The following LIG3 variants were observed in gnomAD, a reference collection of about 807,000 sequenced individuals.
LIG3 encodes DNA ligase 3.
Under a neutral mutation model 110.9 loss-of-function variants are expected in LIG3, and 58 were observed. That is an observed-to-expected ratio of 0.52 (90% CI 0.42 to 0.65). The LOEUF (loss-of-function observed/expected upper bound fraction) is 0.65. LIG3 is among the 30% of genes least tolerant of loss of function. The pLI is 0.00. For synonymous variants in LIG3, 422 were observed against 472.8 expected (o/e 0.89, Z 1.39); for missense variants, 1,094 against 1,273.8 (o/e 0.86, Z 2.15).
At chr17:34,994,994 C>T (rs1053712529) in intron 9 of LIG3, among the ~76,000 whole-genome samples, 1 of 152,102 alleles carries the variant, frequency 6.6e-6, no homozygotes, top group Non-Finnish European at 1.5e-5. Flanking sequence ...GCATTTGGAA[C>T]CTTATTCCTT....
At chr17:34,996,855 C>G (rs1186769722) in intron 11 of LIG3, among the ~76,000 whole-genome samples, 1 of 152,194 alleles carries the variant, frequency 6.6e-6, no homozygotes, top group Non-Finnish European at 1.5e-5. Context: ...GTTCCCCATT[C>G]AGTGTAAGAA....
rs1480024860 is a variant in LIG3 at position 34,997,076 on chromosome 17, A to T, written c.1823+423A>T. On this transcript the variant is annotated intron_variant, in intron 11 of 19. Coordinates refer to ENST00000378526, the MANE Select transcript of LIG3 (RefSeq NM_013975.4). ...ATAAGGCAGATGGTTTTCAGCTCAG[A>T]GGTTTTGATTTCAGAAGAGACTGAC... The T allele has an allele frequency of 3.0e-5, 5 of 169,108 alleles. No homozygotes were observed. The East Asian group carries it at 4.6e-4, about 16-fold the overall frequency. 10.5% of individuals were successfully genotyped at this position (169,108 alleles called of 1,614,324 possible).
intron 5 of LIG3, chr17:34,991,332 A>T: frequency 1.7e-6 from 1 of 584,510 alleles, no homozygotes; most frequent in Non-Finnish European, 3.0e-6. Context: ...CTGCTGAACC[A>T]CAAAGGCCTG....
chr17:34,994,454 C>T (rs1253272744), intron 9 of LIG3, 23 bp downstream of exon 9: 3 of 1,607,784 alleles, frequency 1.9e-6, no homozygotes, highest in Non-Finnish European at 2.5e-6. Flanking sequence ...TCCTTTCTGC[C>T]AGGACCGTCT....
intron 11 of LIG3, 32 bp from the exon 12 acceptor site, chr17:34,997,706 C>T (rs140170660): frequency 4.9e-5 from 74 of 1,523,522 alleles, no homozygotes; most frequent in Middle Eastern, 1.7e-4. Flanking sequence ...GGGAGGATCC[C>T]GGCCTAACCT....
intron 1 of LIG3, among the ~76,000 whole-genome samples, chr17:34,982,474 G>A (rs1469542624): frequency 6.6e-6 from 1 of 151,850 alleles, no homozygotes; most frequent in African/African-American, 2.4e-5. Flanking sequence ...AAGAAACCCC[G>A]TCTCCATTAA....
intron 1 of LIG3, among the ~76,000 whole-genome samples, chr17:34,982,228 C>T (rs1022132783): frequency 6.6e-6 from 1 of 152,190 alleles, no homozygotes; most frequent in Admixed American, 6.5e-5. Flanking sequence ...AGTTGTCTCT[C>T]AATATAGGGA....
At position 35,007,055 on chromosome 17, in the gene LIG3, T is replaced by G. The variant is rs764590539; in HGVS notation, c.*2549T>G. 5 of 152,242 alleles carry G rather than the reference T, an allele frequency of 3.3e-5. No individual in the cohort carries two copies. Among genetic ancestry groups the G allele is most frequent in the African/African-American group, 1.2e-4 (5 of 41,440 alleles). 9.4% of individuals were successfully genotyped at this position (152,242 alleles called of 1,614,324 possible). On this transcript the variant is annotated 3_prime_UTR_variant, in exon 20 of 20. Coordinates refer to ENST00000378526, the MANE Select transcript of LIG3 (RefSeq NM_013975.4). ...CCTTTGAGTACTGACCTACATAGAT[T>G]TCCATTTCTCTCTTCAGCCTCAGGC... is the stretch of plus-strand genomic sequence containing the variant.
intron 7 of LIG3, 91 bp from the exon 8 acceptor site, chr17:34,992,433 G>A (rs2090732146): frequency 7.6e-7 from 1 of 1,311,900 alleles, no homozygotes; most frequent in South Asian, 1.4e-5. Context: ...TACAGATGAG[G>A]ATTTCTTCTG....
chr17:34,994,701 C>A (rs2090760583), intron 9 of LIG3, among the ~76,000 whole-genome samples: 1 of 152,212 alleles, frequency 6.6e-6, no homozygotes, highest in Admixed American at 6.5e-5. Flanking sequence ...GATATTGGGA[C>A]AGTGAGCTCA....
At chr17:34,993,387 A>AAGTGTTCTCTCCCTGCT (rs2090745916) in intron 8 of LIG3, among the ~76,000 whole-genome samples, 1 of 152,220 alleles carries the variant, frequency 6.6e-6, no homozygotes, top group Non-Finnish European at 1.5e-5. Flanking sequence ...TGAGATAGGC[A>AAGTGTTCTCTCCCTGCT]AGTGTTCTCT....
rs373140140 is a variant in LIG3 at position 34,982,135 on chromosome 17, G to A, written c.-4-867G>A. 1.4e-3 allele frequency among the ~76,000 whole-genome samples: 215 copies of A among 152,238 alleles called. 1 individual carries two copies. The highest frequency in any genetic ancestry group is 5.1e-3 in the African/African-American group (212 of 41,554). Reference sequence around the variant, plus strand: ...CAGATAAGGAAGCTCAGGAACAGAGGTAAGAAACCCATCAAGGTTATACAG... The same window carrying A: ...CAGATAAGGAAGCTCAGGAACAGAGATAAGAAACCCATCAAGGTTATACAG... On this transcript the variant is annotated intron_variant, in intron 1 of 19. Transcript: ENST00000378526.
At position 34,996,497 on chromosome 17, in the gene LIG3, G is replaced by A. The variant is rs557320687; in HGVS notation, c.1744-77G>A. The A allele has an allele frequency of 3.4e-6, 4 of 1,191,488 alleles. No individual in the cohort carries two copies. In the South Asian group the frequency reaches 3.7e-5, roughly 11 times the overall value. 73.8% of individuals were successfully genotyped at this position (1,191,488 alleles called of 1,614,324 possible). A position where few individuals can be genotyped will look rare whatever the true frequency, so the allele number is the denominator to read the frequency against. ...CATCCGGTGCCTCAGGGGGCCTCCA[G>A]AAGTGGACTGGTACTCCTTATTTTT... On this transcript the variant is annotated intron_variant, in intron 10 of 19. Coordinates refer to ENST00000378526, the MANE Select transcript of LIG3 (RefSeq NM_013975.4).
intron 3 of LIG3, among the ~76,000 whole-genome samples, chr17:34,988,212 A>G (rs1379051264): frequency 1.3e-5 from 2 of 151,098 alleles, no homozygotes; most frequent in East Asian, 3.9e-4. Flanking sequence ...AAAAAAAAAA[A>G]AAAATTCTGA....
chr17:35,003,921 T>C lies in LIG3; in HGVS notation c.2797-352T>C, dbSNP rs1567695851. 1.1e-5 allele frequency: 3 copies of C among 273,532 alleles called. No individual in the cohort carries two copies. In the East Asian group the frequency reaches 2.7e-4, roughly 25 times the overall value. The allele number at this position is 273,532 out of a possible 1,614,324, so 16.9% of individuals were successfully genotyped here. A position where few individuals can be genotyped will look rare whatever the true frequency, so the allele number is the denominator to read the frequency against. On this transcript the variant is annotated intron_variant, in intron 19 of 19. Coordinates refer to ENST00000378526, the MANE Select transcript of LIG3 (RefSeq NM_013975.4). ...GTCTAGCAGGTTGTACAGAGTAGACTGCTTGGTCTCAGGGGACATCACTGA... is the reference window on the plus strand; with the variant it reads ...GTCTAGCAGGTTGTACAGAGTAGACCGCTTGGTCTCAGGGGACATCACTGA...
intron 17 of LIG3, 46 bp downstream of exon 17, chr17:35,001,449 G>GGCCTTGGA: frequency 6.3e-7 from 1 of 1,586,180 alleles, no homozygotes; most frequent in African/African-American, 1.3e-5. Context: ...CCACTGTCCA[G>GGCCTTGGA]GCCTTGGAGC....
intron 10 of LIG3, 92 bp downstream of exon 10, chr17:34,996,287 A>G: frequency 7.2e-7 from 1 of 1,388,072 alleles, no homozygotes; most frequent in Non-Finnish European, 1.0e-6. Flanking sequence ...GGGAGGAAAT[A>G]TCCCTTAGTG....
rs1009119007 is a variant in LIG3, at chr17:35,002,606, C to T, written c.2675-62C>T. On this transcript the variant is annotated intron_variant, in intron 18 of 19. Coordinates refer to ENST00000378526, the MANE Select transcript of LIG3 (RefSeq NM_013975.4). Reference sequence around the variant, plus strand: ...CTCGAACTCCTGAGTTGAATTGATCCTCCCGAGTAGCTGGGACTATAGGTG... The same window carrying T: ...CTCGAACTCCTGAGTTGAATTGATCTTCCCGAGTAGCTGGGACTATAGGTG... 6 of 1,552,540 alleles carry T rather than the reference C, an allele frequency of 3.9e-6. No homozygotes were observed. The South Asian group carries it at 7.2e-5, about 19-fold the overall frequency.
chr17:34,991,855 G>A lies in LIG3; in HGVS notation c.1208+18G>A, dbSNP rs546499663. On this transcript the variant is annotated intron_variant, in intron 6 of 19. Coordinates refer to ENST00000378526, the MANE Select transcript of LIG3 (RefSeq NM_013975.4). ...GCCTCCAGGTGGGGGAGCTGCCTCC[G>A]TCAAACCATGCCCATAGAGAGATGA... is the stretch of plus-strand genomic sequence containing the variant. 30 of 1,613,972 alleles carry A rather than the reference G, an allele frequency of 1.9e-5. No individual in the cohort carries two copies. The highest frequency in any genetic ancestry group is 1.6e-4 in the Middle Eastern group (1 of 6,062).
Sources: allele counts gnomAD v4.1 joint callset (sites outside exome capture counted in the v4.1 genomes callset), GRCh38; gene constraint gnomAD v4.1.1; transcripts MANE v1.5; gene names NCBI Gene and HGNC (gene_info 2026-07-23, HGNC 2026-07-21).